The following KIF27 variants were observed in gnomAD, a reference collection of about 807,000 sequenced individuals.
The protein encoded by KIF27 is kinesin-like protein KIF27.
Under a neutral mutation model 141.8 loss-of-function variants are expected in KIF27, and 84 were observed. That is an observed-to-expected ratio of 0.59 (90% CI 0.50 to 0.71). The LOEUF is 0.71. KIF27 is among the 30% of genes least tolerant of loss of function. KIF27 has a pLI of 0.00. For missense variants in KIF27, 1,306 were observed against 1,628.4 expected, an observed-to-expected ratio of 0.80 and a Z score of 3.41; for synonymous variants, 471 against 569.5, an observed-to-expected ratio of 0.83 and a Z score of 2.46.
At position 83,843,891 on chromosome 9, in the gene KIF27, T is replaced by A. The variant is rs11140270; in HGVS notation, c.3557-1490A>T. ...GCACATGCCACCATGCCTGGCTTAA[T>A]TTTTTAAATTTTTGGTAGAGATGGT... On this transcript the variant is annotated intron_variant, in intron 16 of 17. Transcript: ENST00000297814. 8.0e-3 allele frequency among the ~76,000 whole-genome samples: 1,215 copies of A among 152,194 alleles called. 32 individuals carry two copies. Among genetic ancestry groups the A allele is most frequent in the East Asian group, 0.037 (190 of 5,178 alleles).
intron 11 of KIF27, among the ~76,000 whole-genome samples, chr9:83,878,199 C>A (rs200655891): frequency 1.3e-4 from 6 of 46,940 alleles, no homozygotes; most frequent in African/African-American, 4.5e-4. Context: ...AGAGATACAA[C>A]GATACAACTT....
intron 6 of KIF27, among the ~76,000 whole-genome samples, chr9:83,889,664 C>T (rs556682597): frequency 3.2e-4 from 48 of 151,806 alleles, no homozygotes; most frequent in South Asian, 1.0e-3. Flanking sequence ...TCTGCATCCC[C>T]TCCAATCCAA....
chr9:83,894,724 C>T (rs1355653244), intron 5 of KIF27, among the ~76,000 whole-genome samples: 1 of 152,216 alleles, frequency 6.6e-6, no homozygotes, highest in Admixed American at 6.5e-5. Flanking sequence ...GTCTTGGAAG[C>T]TTGTGCCTGG....
rs1464469339 is a variant in KIF27 at position 83,917,117 on chromosome 9, T to C, written c.-87-1439A>G. Among the ~76,000 whole-genome samples the C allele has an allele frequency of 2.0e-5, 3 of 152,260 alleles. No homozygotes were observed. In the East Asian group the frequency reaches 5.8e-4, roughly 29 times the overall value. On this transcript the variant is annotated intron_variant, in intron 1 of 17. Coordinates refer to ENST00000297814, the MANE Select transcript of KIF27 (RefSeq NM_017576.4). ...CATTTACATTAGGTATATCTCCTAA[T>C]GCTATCCCTCCCCCCTTCCCCCACC...
Position 83,903,069 on chromosome 9 carries a change from C to T in KIF27, c.1449G>A (p.Lys483=). Residue 483 remains lysine (K), a synonymous_variant, in exon 4 of 18, where the codon AAG becomes AAA. Transcript: ENST00000297814. ...AGTGATGTCTAAGTACCTGGCATTTCTTAAGCTCTCTCTTCAGCTGGAGAA... is the reference window on the plus strand; with the variant it reads ...AGTGATGTCTAAGTACCTGGCATTTTTTAAGCTCTCTCTTCAGCTGGAGAA... ...VTVLQLKREL[K]KCQCVLAADE... The T allele has an allele frequency of 6.2e-7, 1 of 1,605,752 alleles. No individual in the cohort carries two copies. Among genetic ancestry groups the T allele is most frequent in the Admixed American group, 1.7e-5 (1 of 59,400 alleles).
At chr9:83,905,684 T>C (rs1355697537) in intron 3 of KIF27, among the ~76,000 whole-genome samples, 1 of 152,230 alleles carries the variant, frequency 6.6e-6, no homozygotes, top group Admixed American at 6.5e-5. Context: ...GTTAGCACTA[T>C]GGTTCTCGAA....
chr9:83,857,297 G>A (rs368476595), intron 14 of KIF27, among the ~76,000 whole-genome samples: 5 of 152,092 alleles, frequency 3.3e-5, no homozygotes, highest in South Asian at 2.1e-4. Context: ...ACCTTGTGTC[G>A]TCACATCAGA....
In KIF27 at chr9:83,836,878, G is replaced by A; in HGVS notation, c.*123C>T. ...ATCTATAGCATATAAAAGAATTAGGGATTCCTTCCTCCCCTTCTTCCTTTA... is the reference window on the plus strand; with the variant it reads ...ATCTATAGCATATAAAAGAATTAGGAATTCCTTCCTCCCCTTCTTCCTTTA... On this transcript the variant is annotated 3_prime_UTR_variant, in exon 18 of 18. Coordinates refer to ENST00000297814, the MANE Select transcript of KIF27 (RefSeq NM_017576.4). The A allele has an allele frequency of 2.1e-6, 3 of 1,445,714 alleles. No individual in the cohort carries two copies. Among genetic ancestry groups the A allele is most frequent in the Non-Finnish European group, 2.8e-6 (3 of 1,083,220 alleles). The allele number at this position is 1,445,714 out of a possible 1,614,324, so 89.6% of individuals were successfully genotyped here.
chr9:83,918,322 A>AT (rs1381807721), intron 1 of KIF27, among the ~76,000 whole-genome samples: 15 of 60,356 alleles, frequency 2.5e-4, no homozygotes, highest in Admixed American at 7.3e-4. Context: ...AACGAGAGAA[A>AT]TGGGGGGGGG....
chr9:83,863,761 C>T (rs1218982611), intron 13 of KIF27: 3 of 152,168 alleles, frequency 2.0e-5, no homozygotes, highest in Non-Finnish European at 4.4e-5. Flanking sequence ...GTACCAGCTC[C>T]TCCTTGTACC....
chr9:83,867,596 C>A, intron 13 of KIF27, 88 bp downstream of exon 13: 2 of 1,432,986 alleles, frequency 1.4e-6, no homozygotes, highest in South Asian at 3.4e-5. Context: ...CCACACATTT[C>A]TTATTATGTT....
rs978974660 is a variant in KIF27, at chr9:83,835,020, T to A, written c.*1981A>T. Among the ~76,000 whole-genome samples the A allele has an allele frequency of 1.3e-5, 2 of 148,478 alleles. No homozygotes were observed. Among genetic ancestry groups the A allele is most frequent in the African/African-American group, 5.0e-5 (2 of 39,854 alleles). ...CACAGCAATAATATATTTAAATAAA[T>A]ATGTATTTATTAACAAAGATCCTAA... On this transcript the variant is annotated 3_prime_UTR_variant, in exon 18 of 18. Transcript: ENST00000297814.
intron 4 of KIF27, among the ~76,000 whole-genome samples, chr9:83,901,073 C>T (rs1008980930): frequency 2.0e-5 from 3 of 152,138 alleles, no homozygotes; most frequent in Non-Finnish European, 4.4e-5. Context: ...ATCCTCCCAC[C>T]TAAGCCTCCC....
intron 2 of KIF27, among the ~76,000 whole-genome samples, chr9:83,913,623 G>A (rs1955406448): frequency 6.6e-6 from 1 of 152,120 alleles, no homozygotes; most frequent in South Asian, 2.1e-4. Context: ...TTTTAGTAGA[G>A]ACAGGGTTTC....
chr9:83,910,075 A>G (rs1303138555), intron 2 of KIF27, among the ~76,000 whole-genome samples: 2 of 151,952 alleles, frequency 1.3e-5, no homozygotes, highest in East Asian at 3.9e-4. Context: ...ACATACATAC[A>G]TACATACATA....
chr9:83,885,693 G>A (rs1485933909), intron 9 of KIF27, among the ~76,000 whole-genome samples: 2 of 152,066 alleles, frequency 1.3e-5, no homozygotes, highest in Non-Finnish European at 2.9e-5. Context: ...ATGCAGTGGT[G>A]CAATCATGAC....
intron 13 of KIF27, among the ~76,000 whole-genome samples, chr9:83,860,283 T>C (rs768719349): frequency 3.3e-5 from 5 of 152,198 alleles, no homozygotes; most frequent in African/African-American, 4.8e-5. Flanking sequence ...AAGCTTTTAA[T>C]TGAATCCTAC....
In KIF27 at chr9:83,903,513, G is replaced by A. The variant is rs1236171092; in HGVS notation, c.1005C>T (p.Ala335=). The change falls in exon 4 of 18, where the codon GCC becomes GCT. Residue 335 remains alanine, a synonymous_variant. Coordinates refer to ENST00000297814, the MANE Select transcript of KIF27 (RefSeq NM_017576.4). ...TGTTTCTAATGTTCCGTGCTCTGTT[G>A]GCATATTTGAGAGAATTTAAGGACT... ...FDESLNSLKY[A]NRARNIRNKP... 6.2e-7 allele frequency: 1 copy of A among 1,614,050 alleles called. No homozygotes were observed. The highest frequency in any genetic ancestry group is 1.7e-5 in the Admixed American group (1 of 60,008).
Position 83,918,112 on chromosome 9 carries a change from AT to A in KIF27, c.-87-2435del, listed in dbSNP as rs991281980. ...AGTGAGACGCCATGTCTACAAAGAA[AT>A]TTTTTTTTTCAATCAGCTCAGCATG... On this transcript the variant is annotated intron_variant, in intron 1 of 17. Coordinates refer to ENST00000297814, the MANE Select transcript of KIF27 (RefSeq NM_017576.4). 6.4e-3 allele frequency among the ~76,000 whole-genome samples: 961 copies of A among 151,038 alleles called. 4 individuals carry two copies. Among genetic ancestry groups the A allele is most frequent in the African/African-American group, 0.022 (898 of 41,182 alleles).
Sources: gnomAD v4.1 joint callset for allele counts (sites outside exome capture counted in the v4.1 genomes callset) on GRCh38, gnomAD v4.1.1 for gene constraint, MANE v1.5 for transcripts, NCBI Gene and HGNC (gene_info 2026-07-23, HGNC 2026-07-21) for gene names.